RALYL: variants seen among roughly 807,000 people sequenced by gnomAD.
RALYL encodes the protein RNA-binding Raly-like protein.
Under a neutral mutation model 35.1 loss-of-function variants are expected in RALYL, and 29 were observed. That is an observed-to-expected ratio of 0.83 (90% confidence interval 0.61 to 1.13). RALYL has a LOEUF of 1.13. Ranked by LOEUF, RALYL falls within the 50% of genes most tolerant of loss-of-function variation. The pLI is 0.00. For synonymous variants in RALYL, 120 were observed against 127.6 expected (o/e 0.94, Z 0.40); for missense variants, 359 against 360.4 (o/e 1.00, Z 0.03).
chr8:84,868,210 TA>T (rs1554630390), intron 6 of RALYL, among the ~76,000 whole-genome samples: 3 of 152,226 alleles, frequency 2.0e-5, no homozygotes, highest in Middle Eastern at 3.4e-3. Flanking sequence ...AAAGAACACT[TA>T]AAAAATTTTT....
At chr8:84,409,992 T>G (rs1368055651) in intron 1 of RALYL, among the ~76,000 whole-genome samples, 2 of 151,904 alleles carry the variant, frequency 1.3e-5, no homozygotes, top group Non-Finnish European at 2.9e-5. Flanking sequence ...AATCTTAAAA[T>G]CTTCTATTAA....
intron 8 of RALYL, among the ~76,000 whole-genome samples, chr8:84,904,995 C>A (rs562874795): frequency 6.6e-6 from 1 of 152,092 alleles, no homozygotes; most frequent in Non-Finnish European, 1.5e-5. Flanking sequence ...TTTAAGGGTA[C>A]GATACAGTAT....
At chr8:84,608,365 A>G (rs1817609053) in intron 2 of RALYL, among the ~76,000 whole-genome samples, 1 of 152,118 alleles carries the variant, frequency 6.6e-6, no homozygotes, top group South Asian at 2.1e-4. Flanking sequence ...ATGGGAAGAA[A>G]GGGGCCCAGG....
chr8:84,899,158 G>T lies in RALYL; in HGVS notation c.858+11382G>T, dbSNP rs180849172. Among the ~76,000 whole-genome samples the T allele has an allele frequency of 4.9e-4, 74 of 152,116 alleles. No individual in the cohort carries two copies. The Middle Eastern group carries it at 0.01, about 21-fold the overall frequency. ...TTCTACCTTTTATTTTGTCTGTCTG[G>T]CAAAAACATCTCCTCTCTTAAAGAT... is the stretch of plus-strand genomic sequence containing the variant. On this transcript the variant is annotated intron_variant, in intron 8 of 8. Coordinates refer to ENST00000521268, the MANE Select transcript of RALYL (RefSeq NM_173848.7).
intron 1 of RALYL, among the ~76,000 whole-genome samples, chr8:84,238,234 A>C (rs1321758526): frequency 6.6e-6 from 1 of 152,102 alleles, no homozygotes; most frequent in Non-Finnish European, 1.5e-5. Context: ...TGAATTAAAA[A>C]TTGGGAAATA....
At chr8:84,796,660 A>G (rs1821979754) in intron 3 of RALYL, among the ~76,000 whole-genome samples, 1 of 152,242 alleles carries the variant, frequency 6.6e-6, no homozygotes, top group Admixed American at 6.5e-5. Flanking sequence ...AATGATTAAA[A>G]TGTCATATGG....
At chr8:84,687,406 C>G (rs1042196218) in intron 2 of RALYL, among the ~76,000 whole-genome samples, 3 of 151,984 alleles carry the variant, frequency 2.0e-5, no homozygotes, top group African/African-American at 7.2e-5. Flanking sequence ...AAAAAATACC[C>G]GAGTGAAAAC....
chr8:84,601,455 G>T (rs934475354), intron 2 of RALYL, among the ~76,000 whole-genome samples: 1 of 152,046 alleles, frequency 6.6e-6, no homozygotes. Flanking sequence ...CACTTTCTCG[G>T]CCTTCCTGGG....
At chr8:84,304,512 C>G (rs1251349095) in intron 1 of RALYL, among the ~76,000 whole-genome samples, 2 of 152,012 alleles carry the variant, frequency 1.3e-5, no homozygotes, top group African/African-American at 2.4e-5. Context: ...ATGAGTTGTT[C>G]TCATCTTCTT....
At chr8:84,649,055 C>A (rs1322189606) in intron 2 of RALYL, among the ~76,000 whole-genome samples, 2 of 151,986 alleles carry the variant, frequency 1.3e-5, no homozygotes, top group East Asian at 3.9e-4. Context: ...CAAGACCTCC[C>A]TCCCTTTGTG....
chr8:84,887,686 G>T lies in RALYL; in HGVS notation c.768G>T (p.Glu256Asp). 7 of 1,613,866 alleles carry T rather than the reference G, an allele frequency of 4.3e-6. No individual in the cohort carries two copies. The highest frequency in any genetic ancestry group is 5.9e-6 in the Non-Finnish European group (7 of 1,179,798). The stretch of plus-strand genomic sequence containing the variant: ...CAGAGATTGCAGATCACTCTACAGA[G>T]GAGCCTGCTGAAGGAGGGCCAGATG... The part of the protein sequence containing the change: ...CVSEIADHST[E>D]EPAEGGPDAD... Residue 256 changes from glutamate (E) to aspartate (D), a missense_variant, in exon 8 of 9, where the codon GAG becomes GAT. Physicochemically the swap from Glu to Asp is conservative, Grantham distance 45. Transcript: ENST00000521268.
chr8:84,342,129 A>G (rs555741824), intron 1 of RALYL, among the ~76,000 whole-genome samples: 96 of 150,970 alleles, frequency 6.4e-4, no homozygotes, highest in Admixed American at 1.2e-3. Flanking sequence ...AAATTCATTT[A>G]TGGGAGAACC....
chr8:84,651,694 A>G (rs1447245977), intron 2 of RALYL, among the ~76,000 whole-genome samples: 4 of 152,086 alleles, frequency 2.6e-5, no homozygotes, highest in Non-Finnish European at 4.4e-5. Context: ...TGACAATTTC[A>G]TAAAACGTGT....
At chr8:84,547,362 T>G (rs2135372573) in intron 2 of RALYL, among the ~76,000 whole-genome samples, 1 of 152,020 alleles carries the variant, frequency 6.6e-6, no homozygotes, top group Non-Finnish European at 1.5e-5. Context: ...TTATTTTTTT[T>G]CTTTCTTTTT....
intron 1 of RALYL, among the ~76,000 whole-genome samples, chr8:84,330,613 A>G (rs538954273): frequency 3.9e-5 from 6 of 152,154 alleles, no homozygotes; most frequent in African/African-American, 1.4e-4. Context: ...CTTCCATCAC[A>G]GCATACTTTG....
chr8:84,664,263 ATTTT>A (rs60423756), intron 2 of RALYL, among the ~76,000 whole-genome samples: 7 of 58,046 alleles, frequency 1.2e-4, no homozygotes, highest in African/African-American at 4.4e-4. Context: ...ATGCCTCTAG[ATTTT>A]TTTTTTTTTT....
chr8:84,462,736 G>A (rs767255873), intron 1 of RALYL, among the ~76,000 whole-genome samples: 21 of 151,014 alleles, frequency 1.4e-4, no homozygotes, highest in Admixed American at 4.6e-4. Flanking sequence ...ATGGCTTCAA[G>A]CTCATTTTTC....
At chr8:84,833,102 C>T (rs532070802) in intron 4 of RALYL, among the ~76,000 whole-genome samples, 41 of 152,244 alleles carry the variant, frequency 2.7e-4, no homozygotes, top group African/African-American at 9.1e-4. Context: ...TCTAGCCCAA[C>T]ATCCTTCTCT....
At chr8:84,677,496 C>A (rs1238090736) in intron 2 of RALYL, among the ~76,000 whole-genome samples, 4 of 151,978 alleles carry the variant, frequency 2.6e-5, no homozygotes, top group African/African-American at 9.7e-5. Context: ...AAATAATTTG[C>A]CTATTTCTTA....
Sources: gnomAD v4.1 joint callset for allele counts (sites outside exome capture counted in the v4.1 genomes callset) on GRCh38, gnomAD v4.1.1 for gene constraint, MANE v1.5 for transcripts, NCBI Gene and HGNC (gene_info 2026-07-23, HGNC 2026-07-21) for gene names.